Variants in NTM observed in about 807,000 individuals in gnomAD.
NTM encodes IgLON family member 2.
In NTM, 13 loss-of-function variants were observed where a neutral mutation model predicts 42.1. That is an observed-to-expected ratio of 0.31 (90% CI 0.20 to 0.49). The LOEUF (loss-of-function observed/expected upper bound fraction) is 0.49. Among genes scored for constraint, NTM ranks in the 20% least tolerant of loss-of-function variants. The pLI is 0.99. For missense variants in NTM, 373 were observed against 452.8 expected, an observed-to-expected ratio of 0.82 and a Z score of 1.60; for synonymous variants, 187 against 179.2, an observed-to-expected ratio of 1.04 and a Z score of -0.35.
At chr11:131,935,399 T>C (rs997143058) in intron 2 of NTM, among the ~76,000 whole-genome samples, 1 of 152,192 alleles carries the variant, frequency 6.6e-6, no homozygotes, top group Non-Finnish European at 1.5e-5. Flanking sequence ...TTCCTTTTCC[T>C]ACTTCACTTA....
chr11:132,235,876 C>G (rs1477195639), intron 4 of NTM, among the ~76,000 whole-genome samples: 3 of 152,076 alleles, frequency 2.0e-5, no homozygotes, highest in Non-Finnish European at 4.4e-5. Context: ...TAGTATACCC[C>G]CAGGAAGTAG....
Position 132,212,115 on chromosome 11 carries a change from C to T in NTM, c.494C>T (p.Pro165Leu). The T allele has an allele frequency of 6.2e-7, 1 of 1,613,562 alleles. No individual in the cohort carries two copies. Among genetic ancestry groups the T allele is most frequent in the Non-Finnish European group, 8.5e-7 (1 of 1,179,782 alleles). The change falls in exon 4 of 9, where the codon CCT (proline) becomes CTT (leucine). Residue 165 changes from proline to leucine, a missense_variant. By Grantham distance (98) the Pro-to-Leu change is moderately conservative. This residue lies in a region of NTM where 312 missense variants were observed against 353.5 expected (regional missense o/e 0.88). Transcript: ENST00000683400. ...TGCATAGCAACTGGTAGACCAGAGC[C>T]TACGGTTACTTGGAGACACATCTCT... Reference protein sequence around the residue: ...LTCIATGRPEPTVTWRHISPK... With the variant: ...LTCIATGRPELTVTWRHISPK...
At chr11:131,767,171 A>G (rs12361631) in intron 1 of NTM, 42,306 of 942,338 alleles carry the variant, frequency 0.045, 1,031 homozygotes, top group Middle Eastern at 0.082. Flanking sequence ...TAAATTCTCA[A>G]AGACAAATTA....
chr11:131,962,572 T>C (rs975428645), intron 2 of NTM, among the ~76,000 whole-genome samples: 4 of 152,216 alleles, frequency 2.6e-5, no homozygotes, highest in African/African-American at 9.6e-5. Context: ...TCTGCTGGCA[T>C]CTGGATCTTG....
chr11:131,815,466 C>A (rs3802792), intron 1 of NTM, among the ~76,000 whole-genome samples: 19,808 of 152,172 alleles, frequency 0.13, 1,363 homozygotes, highest in East Asian at 0.28. Context: ...AAGCTTCCAG[C>A]AGGGTTCTGG....
At chr11:132,121,180 T>A (rs2064759197) in intron 2 of NTM, among the ~76,000 whole-genome samples, 1 of 152,124 alleles carries the variant, frequency 6.6e-6, no homozygotes, top group African/African-American at 2.4e-5. Context: ...TTCATCTTAA[T>A]CACTAAAGTT....
chr11:131,530,425 CAAA>C (rs60376694), intron 1 of NTM, among the ~76,000 whole-genome samples: 6 of 84,942 alleles, frequency 7.1e-5, no homozygotes, highest in Non-Finnish European at 5.5e-5. Context: ...GTGCCTTTCT[CAAA>C]AAAAAAAAAA....
rs548483621 is a variant in NTM at position 131,455,341 on chromosome 11, C to T, written c.82+84453C>T. The T allele has an allele frequency of 7.2e-5, 11 of 152,356 alleles. No individual in the cohort carries two copies. In the South Asian group the frequency reaches 1.4e-3, roughly 20 times the overall value. 9.4% of individuals were successfully genotyped at this position (152,356 alleles called of 1,614,324 possible). ...GTGCAGCTCTCTGAAGGCTGCAGCCCCACCTCCGCACGATGAGGCTGCTGC... is the reference window on the plus strand; with the variant it reads ...GTGCAGCTCTCTGAAGGCTGCAGCCTCACCTCCGCACGATGAGGCTGCTGC... On this transcript the variant is annotated intron_variant, in intron 1 of 8. Coordinates refer to ENST00000683400, the MANE Select transcript of NTM (RefSeq NM_001352005.2).
intron 2 of NTM, among the ~76,000 whole-genome samples, chr11:132,081,560 G>A (rs929856744): frequency 3.9e-5 from 6 of 151,914 alleles, no homozygotes; most frequent in East Asian, 1.9e-4. Flanking sequence ...GTGAAACCCC[G>A]TCTCTACTAA....
At chr11:131,442,526 T>C (rs1949704993) in intron 1 of NTM, among the ~76,000 whole-genome samples, 1 of 152,176 alleles carries the variant, frequency 6.6e-6, no homozygotes, top group Non-Finnish European at 1.5e-5. Flanking sequence ...AACCAAATAG[T>C]GAACACTGTA....
chr11:131,477,421 G>A (rs1405291667), intron 1 of NTM, among the ~76,000 whole-genome samples: 7 of 151,844 alleles, frequency 4.6e-5, no homozygotes, highest in African/African-American at 9.7e-5. Flanking sequence ...TGCCATTCTC[G>A]GTGGCCAGAG....
chr11:131,969,948 A>G (rs554347674), intron 2 of NTM, among the ~76,000 whole-genome samples: 116 of 152,306 alleles, frequency 7.6e-4, no homozygotes, highest in Middle Eastern at 3.4e-3. Context: ...GCAGAGTAGC[A>G]GGGACCACAA....
intron 3 of NTM, among the ~76,000 whole-genome samples, chr11:132,189,252 C>G (rs2078920811): frequency 6.6e-6 from 1 of 152,120 alleles, no homozygotes; most frequent in Non-Finnish European, 1.5e-5. Context: ...ATACAGCCAG[C>G]TGGGAAAGAA....
At chr11:132,053,650 A>G (rs193162057) in intron 2 of NTM, among the ~76,000 whole-genome samples, 1 of 152,348 alleles carries the variant, frequency 6.6e-6, no homozygotes, top group African/African-American at 2.4e-5. Context: ...CTCTTTCTTC[A>G]TCTACTACCC....
intron 1 of NTM, among the ~76,000 whole-genome samples, chr11:131,435,400 T>C (rs1361438209): frequency 6.6e-6 from 1 of 152,228 alleles, no homozygotes; most frequent in Non-Finnish European, 1.5e-5. Context: ...ATTTTCACAA[T>C]GTTGATTCTT....
chr11:132,314,127 TCTCTC>T (rs59332770), intron 6 of NTM, among the ~76,000 whole-genome samples: 3,606 of 149,994 alleles, frequency 0.024, 135 homozygotes, highest in African/African-American at 0.083. Context: ...AGGTGGCTCT[TCTCTC>T]AGAAGTTTGA....
At chr11:131,391,644 G>GAAAAAAAAAAAAAAAA (rs5795723) in intron 1 of NTM, among the ~76,000 whole-genome samples, 26 of 81,540 alleles carry the variant, frequency 3.2e-4, no homozygotes, top group Middle Eastern at 9.6e-3. Context: ...TTTTATCTGG[G>GAAAAAAAAAAAAAAAA]AAAAAAAAAA....
intron 7 of NTM, chr11:132,317,788 G>T: frequency 6.2e-6 from 4 of 645,778 alleles, no homozygotes; most frequent in South Asian, 4.7e-5. Flanking sequence ...TGTCTGTAAA[G>T]TGTCTTAGAG....
chr11:131,863,977 T>A (rs2046887441), intron 1 of NTM, among the ~76,000 whole-genome samples: 1 of 152,168 alleles, frequency 6.6e-6, no homozygotes, highest in African/African-American at 2.4e-5. Flanking sequence ...ACCTGATGAA[T>A]TTCCTTGTAG....
Sources: gnomAD v4.1 joint callset for allele counts (sites outside exome capture counted in the v4.1 genomes callset) on GRCh38, gnomAD v4.1.1 for gene constraint, gnomAD v4.1.1 regional missense constraint, MANE v1.5 for transcripts, NCBI Gene and HGNC (gene_info 2026-07-23, HGNC 2026-07-21) for gene names.